The following NAALADL2 variants were observed in gnomAD, a reference collection of about 807,000 sequenced individuals.
NAALADL2 encodes the protein N-acetylated alpha-linked acidic dipeptidase like 2.
NAALADL2 carries 76 observed loss-of-function variants against 87.2 expected under a neutral mutation model. The ratio of observed to expected loss-of-function variants is 0.87; its 90% CI spans 0.72 to 1.05. The LOEUF (loss-of-function observed/expected upper bound fraction) is 1.05, where lower values mean the gene tolerates loss of function less well. NAALADL2 is among the 50% of genes least tolerant of loss of function. The probability of loss-of-function intolerance (pLI) is 0.00; values close to 1 mark genes in which losing one functional copy is unlikely to be tolerated. For missense variants in NAALADL2, 1,089 were observed against 945.8 expected (o/e 1.15, Z -1.99); for synonymous variants, 354 against 331.0 (o/e 1.07, Z -0.75).
intron 3 of NAALADL2, among the ~76,000 whole-genome samples, chr3:174,794,569 T>G (rs1043422835): frequency 6.6e-6 from 1 of 152,206 alleles, no homozygotes; most frequent in African/African-American, 2.4e-5. Flanking sequence ...TATCTTTTTC[T>G]TATTTAAGTT....
At chr3:174,979,791 C>G (rs918193673) in intron 1 of NAALADL2, among the ~76,000 whole-genome samples, 1 of 152,108 alleles carries the variant, frequency 6.6e-6, no homozygotes, top group African/African-American at 2.4e-5. Context: ...AAATGCTTCT[C>G]TTACTATTAA....
At chr3:175,538,663 G>T (rs1381399300) in intron 9 of NAALADL2, among the ~76,000 whole-genome samples, 3 of 152,014 alleles carry the variant, frequency 2.0e-5, no homozygotes, top group Non-Finnish European at 4.4e-5. Flanking sequence ...TTCTCAGTAA[G>T]AAATTTTAAT....
intron 11 of NAALADL2, among the ~76,000 whole-genome samples, chr3:175,658,226 G>T (rs1296166492): frequency 6.6e-6 from 1 of 152,052 alleles, no homozygotes; most frequent in Non-Finnish European, 1.5e-5. Context: ...TGCTGCAGTT[G>T]CTATGGATTA....
At chr3:174,981,265 A>G (rs1223229342) in intron 1 of NAALADL2, among the ~76,000 whole-genome samples, 1 of 152,196 alleles carries the variant, frequency 6.6e-6, no homozygotes, top group South Asian at 2.1e-4. Context: ...GTCAGAAGAG[A>G]ACTCTAAGCT....
At chr3:175,459,033 C>A (rs1393146896) in intron 6 of NAALADL2, among the ~76,000 whole-genome samples, 1 of 152,038 alleles carries the variant, frequency 6.6e-6, no homozygotes, top group African/African-American at 2.4e-5. Flanking sequence ...TAGACACTAT[C>A]CCCACCATCC....
At chr3:175,677,984 A>G (rs1288355440) in intron 11 of NAALADL2, among the ~76,000 whole-genome samples, 1 of 152,188 alleles carries the variant, frequency 6.6e-6, no homozygotes, top group Non-Finnish European at 1.5e-5. Context: ...TGAAAGACTT[A>G]GCCCTCTCAG....
chr3:174,832,751 C>T (rs1722879155), intron 3 of NAALADL2, among the ~76,000 whole-genome samples: 1 of 152,132 alleles, frequency 6.6e-6, no homozygotes, highest in Admixed American at 6.5e-5. Context: ...CAGGCGTGAG[C>T]CACTGCACCT....
intron 1 of NAALADL2, among the ~76,000 whole-genome samples, chr3:175,003,025 A>G (rs754137035): frequency 2.6e-5 from 4 of 152,194 alleles, no homozygotes; most frequent in African/African-American, 4.8e-5. Flanking sequence ...GATTAGTTTC[A>G]TAAACATTTG....
chr3:175,561,248 C>T (rs1168750288), intron 9 of NAALADL2, among the ~76,000 whole-genome samples: 2 of 152,128 alleles, frequency 1.3e-5, no homozygotes, highest in Admixed American at 6.5e-5. Flanking sequence ...ACCCTATGCA[C>T]ATCCTTCCCT....
At chr3:175,290,112 A>T (rs937701510) in intron 4 of NAALADL2, among the ~76,000 whole-genome samples, 8 of 152,238 alleles carry the variant, frequency 5.3e-5, no homozygotes, top group African/African-American at 1.9e-4. Context: ...TTGCTGCTGA[A>T]TGTAAAATAA....
intron 2 of NAALADL2, among the ~76,000 whole-genome samples, chr3:175,199,808 G>T (rs1193054291): frequency 3.1e-5 from 3 of 98,266 alleles, no homozygotes; most frequent in Non-Finnish European, 6.0e-5. Flanking sequence ...TCTTTGTGTA[G>T]GGGGGAAAGA....
At chr3:175,791,166 T>C (rs1425356666) in intron 13 of NAALADL2, among the ~76,000 whole-genome samples, 2 of 152,202 alleles carry the variant, frequency 1.3e-5, no homozygotes, top group Non-Finnish European at 1.5e-5. Context: ...AGGGGAAAAA[T>C]GTGCTATATA....
At chr3:175,078,529 A>G (rs1185748902) in intron 1 of NAALADL2, among the ~76,000 whole-genome samples, 1 of 152,184 alleles carries the variant, frequency 6.6e-6, no homozygotes, top group African/African-American at 2.4e-5. Flanking sequence ...CAGTTGTAGA[A>G]CATTTCATCG....
At chr3:174,575,263 A>T (rs1162627176) in intron 2 of NAALADL2, among the ~76,000 whole-genome samples, 1 of 152,194 alleles carries the variant, frequency 6.6e-6, no homozygotes, top group African/African-American at 2.4e-5. Flanking sequence ...TATATTGTAG[A>T]CAACAAAATT....
intron 10 of NAALADL2, among the ~76,000 whole-genome samples, chr3:175,584,441 T>C (rs1300565872): frequency 1.3e-5 from 2 of 152,246 alleles, no homozygotes; most frequent in Non-Finnish European, 2.9e-5. Context: ...GATTCCAACC[T>C]AACATTCTAT....
chr3:175,013,099 TATAC>T (rs1750157284), intron 1 of NAALADL2, among the ~76,000 whole-genome samples: 1 of 21,504 alleles, frequency 4.7e-5, no homozygotes, highest in Non-Finnish European at 9.0e-5. Flanking sequence ...TATATATAAA[TATAC>T]ATATTTATAT....
chr3:174,776,002 T>C (rs1715170029), intron 3 of NAALADL2, among the ~76,000 whole-genome samples: 1 of 152,154 alleles, frequency 6.6e-6, no homozygotes, highest in Non-Finnish European at 1.5e-5. Flanking sequence ...CTATTGCATA[T>C]TTATTTGTTG....
intron 5 of NAALADL2, among the ~76,000 whole-genome samples, chr3:175,389,780 G>A (rs1264225732): frequency 1.3e-5 from 2 of 152,154 alleles, no homozygotes; most frequent in African/African-American, 4.8e-5. Context: ...AGGTCAAAGA[G>A]GAGGCTTTGC....
intron 1 of NAALADL2, among the ~76,000 whole-genome samples, chr3:174,889,652 T>A (rs575518931): frequency 1.8e-4 from 27 of 151,226 alleles, no homozygotes; most frequent in Middle Eastern, 3.4e-3. Flanking sequence ...AAAAAAAAAA[T>A]GGCACTAATA....
Sources: allele counts gnomAD v4.1 joint callset (sites outside exome capture counted in the v4.1 genomes callset), GRCh38; gene constraint gnomAD v4.1.1; transcripts MANE v1.5; gene names NCBI Gene and HGNC (gene_info 2026-07-23, HGNC 2026-07-21).